Variants in TOM1L1 observed in about 807,000 individuals in gnomAD.
TOM1L1 encodes target of myb1 like 1 membrane trafficking protein.
A neutral mutation model predicts 63.4 loss-of-function variants in TOM1L1; 64 were observed. That is an observed-to-expected ratio of 1.01 (90% CI 0.83 to 1.24). TOM1L1 has a LOEUF of 1.24. Ranked by LOEUF, TOM1L1 falls within the 50% of genes most tolerant of loss-of-function variation. TOM1L1 has a pLI of 0.00. For synonymous variants in TOM1L1, 166 were observed against 194.4 expected (o/e 0.85, Z 1.22); for missense variants, 536 against 567.0 (o/e 0.95, Z 0.55).
At chr17:54,904,549 CTT>C (rs1440107198) in intron 2 of TOM1L1, among the ~76,000 whole-genome samples, 1 of 152,172 alleles carries the variant, frequency 6.6e-6, no homozygotes, top group African/African-American at 2.4e-5. Flanking sequence ...ATCTAGCAGT[CTT>C]TTTTCCTCCC....
At chr17:54,940,035 A>G (rs1489379413) in intron 11 of TOM1L1, among the ~76,000 whole-genome samples, 3 of 152,198 alleles carry the variant, frequency 2.0e-5, no homozygotes, top group Non-Finnish European at 4.4e-5. Flanking sequence ...AGCTGGAATT[A>G]TAGGCATATG....
chr17:54,944,771 G>A (rs961946290), intron 11 of TOM1L1, among the ~76,000 whole-genome samples: 5 of 152,140 alleles, frequency 3.3e-5, no homozygotes, highest in Non-Finnish European at 5.9e-5. Flanking sequence ...TACATTCATC[G>A]GAGTTGCAGT....
chr17:54,926,225 G>T (rs955779397), intron 7 of TOM1L1, among the ~76,000 whole-genome samples: 5 of 152,178 alleles, frequency 3.3e-5, no homozygotes, highest in African/African-American at 1.2e-4. Flanking sequence ...TTTCATTAGG[G>T]ATGAGGACTG....
chr17:54,957,366 A>G (rs1313324693), intron 14 of TOM1L1: 2 of 152,214 alleles, frequency 1.3e-5, no homozygotes, highest in Admixed American at 6.5e-5. Flanking sequence ...CACTGATCAT[A>G]TTAGTGGTTT....
chr17:54,949,352 C>T (rs755814410), intron 12 of TOM1L1, among the ~76,000 whole-genome samples, 166 bp from the exon 13 acceptor site: 12 of 151,864 alleles, frequency 7.9e-5, no homozygotes, highest in Non-Finnish European at 1.2e-4. Context: ...TAGTAAATCT[C>T]GTAAGTGATT....
chr17:54,910,124 C>A (rs868351642), intron 3 of TOM1L1, among the ~76,000 whole-genome samples: 43 of 152,182 alleles, frequency 2.8e-4, no homozygotes, highest in African/African-American at 1.0e-3. Context: ...GGGAGTCTTA[C>A]CCATTATCAT....
At chr17:54,913,484 T>C (rs529528211) in intron 4 of TOM1L1, among the ~76,000 whole-genome samples, 1 of 152,068 alleles carries the variant, frequency 6.6e-6, no homozygotes, top group East Asian at 1.9e-4. Context: ...GCCAACATAG[T>C]GAAACCCCGT....
At chr17:54,944,824 A>G (rs546017733) in intron 11 of TOM1L1, among the ~76,000 whole-genome samples, 10 of 151,816 alleles carry the variant, frequency 6.6e-5, no homozygotes, top group African/African-American at 1.7e-4. Context: ...GCTTTAAATA[A>G]TTTTTCTTTT....
intron 3 of TOM1L1, among the ~76,000 whole-genome samples, chr17:54,906,944 C>T (rs988254310): frequency 3.3e-5 from 5 of 152,164 alleles, no homozygotes; most frequent in Admixed American, 2.0e-4. Flanking sequence ...CATCACGCTG[C>T]GTTAGGAGCA....
intron 11 of TOM1L1, among the ~76,000 whole-genome samples, chr17:54,944,449 C>CAA (rs34562804): frequency 0.28 from 39,530 of 142,418 alleles, 5,491 homozygotes; most frequent in African/African-American, 0.3. Context: ...GACTCTATCT[C>CAA]AAAAAAAAAA....
intron 13 of TOM1L1, 126 bp downstream of exon 13, chr17:54,949,749 GA>G: frequency 3.6e-6 from 3 of 841,812 alleles, no homozygotes; most frequent in South Asian, 3.3e-5. Context: ...TTAAGCTAAT[GA>G]AACAAATTCA....
rs530225419 is a variant in TOM1L1, at chr17:54,914,547, T to C, written c.499-92T>C. ...GGCAGATACCCTGTACACAGGACTT[T>C]GAGAGTGCTTGAGTTAGCTGAATGG... On this transcript the variant is annotated intron_variant, in intron 5 of 15. Coordinates refer to ENST00000575882, the MANE Select transcript of TOM1L1 (RefSeq NM_005486.3). 3.7e-4 allele frequency: 352 copies of C among 951,120 alleles called. 3 individuals carry two copies. In the South Asian group the frequency reaches 4.7e-3, roughly 13 times the overall value. The allele number at this position is 951,120 out of a possible 1,614,324, so 58.9% of individuals were successfully genotyped here. A position where few individuals can be genotyped will look rare whatever the true frequency, so the allele number is the denominator to read the frequency against.
Position 54,950,004 on chromosome 17 carries a change from A to G in TOM1L1, c.1289-41A>G, listed in dbSNP as rs1263361763. 5 of 1,536,206 alleles carry G rather than the reference A, an allele frequency of 3.3e-6. No homozygotes were observed. In the African/African-American group the frequency reaches 6.9e-5, roughly 21 times the overall value. ...GAATATCAATTGCGTGTACTCCTCA[A>G]AAAGCACAATATGTTTACTGGTCTC... On this transcript the variant is annotated intron_variant, in intron 13 of 15. Transcript: ENST00000575882.
At chr17:54,906,762 C>T in intron 3 of TOM1L1, 2 of 985,526 alleles carry the variant, frequency 2.0e-6, no homozygotes, top group Non-Finnish European at 2.4e-6. Flanking sequence ...CCATCCTTGG[C>T]AATATGACCT....
intron 7 of TOM1L1, 85 bp from the exon 8 acceptor site, chr17:54,929,986 CTG>C: frequency 6.5e-7 from 1 of 1,547,502 alleles, no homozygotes; most frequent in Non-Finnish European, 8.8e-7. Flanking sequence ...GTGGAGGTGA[CTG>C]TAGGTATGCG....
At chr17:54,961,162 CAAG>C (rs780575988) in intron 15 of TOM1L1, 70 bp from the exon 16 acceptor site, 67 of 1,064,806 alleles carry the variant, frequency 6.3e-5, no homozygotes, top group Non-Finnish European at 8.9e-5. Flanking sequence ...CCAGTAAAGA[CAAG>C]AGAGTTATCA....
chr17:54,961,875 A>C lies in TOM1L1; in HGVS notation c.*642A>C, dbSNP rs1429017867. The C allele has an allele frequency of 1.1e-6, 1 of 930,822 alleles. No homozygotes were observed. Among genetic ancestry groups the C allele is most frequent in the Admixed American group, 6.2e-5 (1 of 16,194 alleles). The allele number at this position is 930,822 out of a possible 1,614,324, so 57.7% of individuals were successfully genotyped here. ...TTTTTTCTCTTTTTACTGCAACTTA[A>C]TATTTCTATTTAGAACACAGAAAAT... On this transcript the variant is annotated 3_prime_UTR_variant, in exon 16 of 16. Transcript: ENST00000575882.
intron 14 of TOM1L1, chr17:54,958,413 A>C (rs1335402259): frequency 6.6e-6 from 1 of 152,244 alleles, no homozygotes; most frequent in Non-Finnish European, 1.5e-5. Context: ...AACTTCTTAG[A>C]ACTTAAATAT....
intron 3 of TOM1L1, among the ~76,000 whole-genome samples, chr17:54,909,363 G>A (rs1329778247): frequency 6.6e-6 from 1 of 152,200 alleles, no homozygotes; most frequent in Non-Finnish European, 1.5e-5. Flanking sequence ...TGTCATCATA[G>A]AGTGGGGTAG....
Sources: allele counts gnomAD v4.1 joint callset (sites outside exome capture counted in the v4.1 genomes callset), GRCh38; gene constraint gnomAD v4.1.1; transcripts MANE v1.5; gene names NCBI Gene and HGNC (gene_info 2026-07-23, HGNC 2026-07-21).